Variants in FGF13 observed in about 807,000 individuals in gnomAD.
The protein encoded by FGF13 is fibroblast growth factor homologous factor 2.
In FGF13, 2 loss-of-function variants were observed where a neutral mutation model predicts 19.5. That is an observed-to-expected ratio of 0.10 (90% CI 0.04 to 0.32). The LOEUF is 0.32. Among genes scored for constraint, FGF13 ranks in the 10% least tolerant of loss-of-function variants. The pLI, the probability that FGF13 is intolerant of heterozygous loss-of-function variation, is 1.00. For missense variants in FGF13, 113 were observed against 192.7 expected (o/e 0.59, Z 2.45); for synonymous variants, 72 against 76.9 (o/e 0.94, Z 0.33).
intron 1 of FGF13, among the ~76,000 whole-genome samples, chrX:139,067,220 C>T (rs1401279946): frequency 1.8e-5 from 2 of 111,677 alleles, no homozygotes; most frequent in Non-Finnish European, 3.8e-5. Flanking sequence ...TGAAAACCAG[C>T]ACAAGACAAG....
chrX:139,004,896 G>A (rs992854014), intron 1 of FGF13, among the ~76,000 whole-genome samples: 48 of 112,246 alleles, frequency 4.3e-4, no homozygotes, highest in Non-Finnish European at 3.6e-4. Flanking sequence ...CAGCTCAGCT[G>A]CAGTACAACA....
intron 1 of FGF13, among the ~76,000 whole-genome samples, chrX:139,083,242 G>A (rs1424795662): frequency 9.1e-6 from 1 of 110,250 alleles, no homozygotes; most frequent in Non-Finnish European, 1.9e-5. Context: ...AACATCTCTG[G>A]TATGTACCAT....
At chrX:138,706,352 C>T (rs1400999449) in intron 2 of FGF13, among the ~76,000 whole-genome samples, 1 of 111,916 alleles carries the variant, frequency 8.9e-6, no homozygotes, top group African/African-American at 3.2e-5. Context: ...TTTTATTGAA[C>T]TGACATTTAT....
chrX:139,002,695 T>C (rs752462108), intron 1 of FGF13, among the ~76,000 whole-genome samples: 1 of 111,050 alleles, frequency 9.0e-6, no homozygotes, highest in African/African-American at 3.3e-5. Flanking sequence ...TCAGTCACAG[T>C]AAAATAGGAC....
chrX:139,196,538 T>C (rs1023388744), intron 1 of FGF13, among the ~76,000 whole-genome samples: 8 of 112,110 alleles, frequency 7.1e-5, no homozygotes, highest in Non-Finnish European at 1.3e-4. Context: ...GGAGCAACCA[T>C]GTATTTAGTA....
At chrX:138,684,560 A>G (rs1004622392) in intron 3 of FGF13, among the ~76,000 whole-genome samples, 2 of 111,606 alleles carry the variant, frequency 1.8e-5, no homozygotes, top group African/African-American at 6.5e-5. Context: ...TGGGGAAGGC[A>G]CCATTCTTAT....
intron 1 of FGF13, among the ~76,000 whole-genome samples, chrX:138,939,080 G>A (rs917268164): frequency 8.9e-6 from 1 of 112,063 alleles, no homozygotes; most frequent in Non-Finnish European, 1.9e-5. Flanking sequence ...AAAGTACTTG[G>A]AGAATAGAAA....
intron 3 of FGF13, among the ~76,000 whole-genome samples, chrX:138,831,309 C>A (rs1296598188): frequency 9.0e-6 from 1 of 111,009 alleles, no homozygotes; most frequent in Non-Finnish European, 1.9e-5. Flanking sequence ...GGGAGAAAGG[C>A]AACCTCAGAG....
At chrX:138,860,546 C>T (rs2091283307) in intron 2 of FGF13, among the ~76,000 whole-genome samples, 1 of 112,028 alleles carries the variant, frequency 8.9e-6, no homozygotes, top group Non-Finnish European at 1.9e-5. Flanking sequence ...CCTCTGACAA[C>T]CACTCTTGCC....
At chrX:139,139,509 A>G (rs1485929452) in intron 1 of FGF13, among the ~76,000 whole-genome samples, 1 of 112,627 alleles carries the variant, frequency 8.9e-6, no homozygotes, top group Non-Finnish European at 1.9e-5. Context: ...AAAGGAAGGC[A>G]TCCAGTTAAA....
chrX:139,181,066 C>T (rs944575289), intron 1 of FGF13, among the ~76,000 whole-genome samples: 3 of 112,295 alleles, frequency 2.7e-5, no homozygotes, highest in African/African-American at 9.7e-5. Context: ...GCTCATTCAT[C>T]AACCATTTAC....
chrX:138,888,791 G>T (rs966855788), intron 1 of FGF13, among the ~76,000 whole-genome samples: 31 of 111,094 alleles, frequency 2.8e-4, no homozygotes, highest in African/African-American at 1.0e-3. Context: ...CAACCTTCCT[G>T]CAATTCAGTA....
intron 1 of FGF13, among the ~76,000 whole-genome samples, chrX:139,135,763 T>A (rs376663085): frequency 3.6e-5 from 4 of 111,635 alleles, no homozygotes; most frequent in African/African-American, 1.3e-4. Context: ...CACTGCCAAT[T>A]CCTAATATTT....
At chrX:139,079,831 C>A (rs1215792504) in intron 1 of FGF13, among the ~76,000 whole-genome samples, 1 of 111,036 alleles carries the variant, frequency 9.0e-6, no homozygotes, top group African/African-American at 3.3e-5. Context: ...AATTACCTAA[C>A]CTTATCTGAA....
chrX:139,138,889 A>T (rs1019658630), intron 1 of FGF13, among the ~76,000 whole-genome samples: 15 of 108,096 alleles, frequency 1.4e-4, no homozygotes, highest in African/African-American at 4.4e-4. Context: ...TTGATTCTAA[A>T]CCAGTTTGTC....
intron 3 of FGF13, among the ~76,000 whole-genome samples, chrX:138,765,622 T>C (rs1054683223): frequency 5.4e-5 from 6 of 112,025 alleles, no homozygotes; most frequent in African/African-American, 1.9e-4. Flanking sequence ...ACAGGAGCTA[T>C]ATTGTGATTG....
chrX:139,141,653 ATCCCAGCTGAAAAG>A (rs2083846467), intron 1 of FGF13, among the ~76,000 whole-genome samples: 1 of 111,776 alleles, frequency 8.9e-6, no homozygotes, highest in Non-Finnish European at 1.9e-5. Context: ...ACATTCTTCC[ATCCCAGCTGAAAAG>A]TCAATTTCCT....
At chrX:139,134,514 C>T (rs908244200) in intron 1 of FGF13, among the ~76,000 whole-genome samples, 4 of 110,963 alleles carry the variant, frequency 3.6e-5, no homozygotes, top group Non-Finnish European at 5.7e-5. Context: ...CCTTACACCC[C>T]GTCCCTTGCA....
chrX:138,790,460 C>T (rs1018602933), intron 3 of FGF13, among the ~76,000 whole-genome samples: 2 of 110,907 alleles, frequency 1.8e-5, no homozygotes, highest in African/African-American at 6.6e-5. Context: ...ACCCTAAAAC[C>T]TCATGGCTTG....
Sources: gnomAD v4.1 joint callset for allele counts (sites outside exome capture counted in the v4.1 genomes callset) on GRCh38, gnomAD v4.1.1 for gene constraint, MANE v1.5 for transcripts, NCBI Gene and HGNC (gene_info 2026-07-23, HGNC 2026-07-21) for gene names.